The following MBOAT1 variants were observed in gnomAD, a reference collection of about 807,000 sequenced individuals.
MBOAT1 encodes the protein membrane-bound glycerophospholipid O-acyltransferase 1.
Under a neutral mutation model 64.4 loss-of-function variants are expected in MBOAT1, and 67 were observed. That is an observed-to-expected ratio of 1.04 (90% confidence interval 0.85 to 1.27). The LOEUF is 1.27. Among genes scored for constraint, MBOAT1 ranks in the 50% most tolerant of loss-of-function variants. The pLI, the probability that MBOAT1 is intolerant of heterozygous loss-of-function variation, is 0.00. For synonymous variants in MBOAT1, 229 were observed against 218.9 expected, an observed-to-expected ratio of 1.05 and a Z score of -0.41; for missense variants, 563 against 604.6, an observed-to-expected ratio of 0.93 and a Z score of 0.72.
chr6:20,190,132 C>T (rs1477050388), intron 1 of MBOAT1, among the ~76,000 whole-genome samples: 6 of 151,990 alleles, frequency 3.9e-5, no homozygotes, highest in African/African-American at 7.3e-5. Context: ...GTTGCTGGGA[C>T]TACAGGCACC....
chr6:20,154,049 G>T (rs1372668923), intron 1 of MBOAT1, among the ~76,000 whole-genome samples: 3 of 152,212 alleles, frequency 2.0e-5, no homozygotes, highest in African/African-American at 7.2e-5. Context: ...CACAACTTCA[G>T]CATCAGTATT....
rs1453615906 is a variant in MBOAT1, at chr6:20,206,102, C to T, written c.99+6034G>A. Among the ~76,000 whole-genome samples the T allele has an allele frequency of 4.6e-5, 7 of 152,334 alleles. No individual in the cohort carries two copies. The South Asian group carries it at 8.3e-4, about 18-fold the overall frequency. ...ACCCTCTGTTCTCATTTTACCATCA[C>T]GACAGCAAAGCCAAGGTCAGAAGCA... is the stretch of plus-strand genomic sequence containing the variant. On this transcript the variant is annotated intron_variant, in intron 1 of 12. Transcript: ENST00000324607.
At chr6:20,147,405 C>T (rs1405071398) in intron 3 of MBOAT1, among the ~76,000 whole-genome samples, 2 of 152,264 alleles carry the variant, frequency 1.3e-5, no homozygotes, top group Non-Finnish European at 1.5e-5. Flanking sequence ...TTTGGGAGGC[C>T]AAGGCGGGCG....
At chr6:20,171,478 G>A (rs371005478) in intron 1 of MBOAT1, among the ~76,000 whole-genome samples, 5 of 150,622 alleles carry the variant, frequency 3.3e-5, no homozygotes, top group African/African-American at 4.9e-5. Flanking sequence ...ACTTGAGCCC[G>A]GGAGGTCTAG....
intron 1 of MBOAT1, among the ~76,000 whole-genome samples, chr6:20,164,234 A>G (rs1285606423): frequency 2.6e-5 from 4 of 151,618 alleles, no homozygotes; most frequent in Admixed American, 2.6e-4. Flanking sequence ...GTAACCTGAA[A>G]TTTTTCCTGT....
At chr6:20,171,753 G>A (rs1022062247) in intron 1 of MBOAT1, among the ~76,000 whole-genome samples, 11 of 152,088 alleles carry the variant, frequency 7.2e-5, no homozygotes, top group African/African-American at 2.4e-4. Context: ...GAAAAAAGAA[G>A]CCAGGCGCAG....
intron 1 of MBOAT1, among the ~76,000 whole-genome samples, chr6:20,155,165 G>A (rs761854282): frequency 1.3e-5 from 2 of 152,144 alleles, no homozygotes; most frequent in Non-Finnish European, 2.9e-5. Context: ...GTAGTCCCCC[G>A]ACCAACAGCA....
chr6:20,122,408 G>A (rs1179059017), intron 8 of MBOAT1, among the ~76,000 whole-genome samples: 1 of 152,148 alleles, frequency 6.6e-6, no homozygotes, highest in African/African-American at 2.4e-5. Context: ...GTATGTCTGT[G>A]CTCCCAACCA....
intron 12 of MBOAT1, among the ~76,000 whole-genome samples, chr6:20,102,789 G>A (rs1384870036): frequency 6.6e-6 from 1 of 152,120 alleles, no homozygotes; most frequent in African/African-American, 2.4e-5. Context: ...GACACTTAAT[G>A]ACATTTCAGC....
chr6:20,202,639 T>A (rs1763156236), intron 1 of MBOAT1, among the ~76,000 whole-genome samples: 2 of 152,140 alleles, frequency 1.3e-5, no homozygotes. Context: ...AAAATCACAT[T>A]GCAAATAGGT....
rs1581387511 is a variant in MBOAT1 at position 20,100,121 on chromosome 6, G to A, written c.*2165C>T. 6.6e-6 allele frequency among the ~76,000 whole-genome samples: 1 copy of A among 152,194 alleles called. No homozygotes were observed. Among genetic ancestry groups the A allele is most frequent in the Non-Finnish European group, 1.5e-5 (1 of 68,040 alleles). On this transcript the variant is annotated 3_prime_UTR_variant, in exon 13 of 13. Transcript: ENST00000324607. ...GCTTGAGAGAGTCCTTGGCAAACCA[G>A]GGCAGCTGGTCACCAAAGCAGACAC... is the stretch of plus-strand genomic sequence containing the variant.
intron 1 of MBOAT1, among the ~76,000 whole-genome samples, chr6:20,203,132 T>C (rs1329752898): frequency 6.6e-6 from 1 of 152,182 alleles, no homozygotes; most frequent in Non-Finnish European, 1.5e-5. Context: ...AGTGAGACCC[T>C]GTCTCAATAA....
chr6:20,118,540 G>T lies in MBOAT1; in HGVS notation c.908C>A (p.Ala303Asp). ...KPKYYFAWTL[A>D]DAVNNAAGFG... ...GCCAGCTGCGTTATTCACTGCATCA[G>T]CTATGGTTTTTAAAGTAACACATTA... The change falls in exon 9 of 13, where the codon GCT (alanine) becomes GAT (aspartate). Residue 303 changes from alanine to aspartate, a missense_variant and splice_region_variant. Physicochemically the swap from Ala to Asp is moderately radical, Grantham distance 126. Transcript: ENST00000324607. 6.2e-7 allele frequency: 1 copy of T among 1,612,286 alleles called. No individual in the cohort carries two copies. Among genetic ancestry groups the T allele is most frequent in the Non-Finnish European group, 8.5e-7 (1 of 1,178,990 alleles).
intron 1 of MBOAT1, among the ~76,000 whole-genome samples, chr6:20,158,167 GA>G (rs70990012): frequency 0.84 from 113,283 of 135,534 alleles, 47,088 homozygotes; most frequent in East Asian, 0.98. Context: ...AAAAAAAAAA[GA>G]AAAAAAAAAA....
At chr6:20,118,390 A>T in intron 9 of MBOAT1, 47 bp downstream of exon 9, 1 of 1,458,092 alleles carries the variant, frequency 6.9e-7, no homozygotes, top group East Asian at 2.3e-5. Context: ...AAAGCAAATC[A>T]TTTGCTTTCT....
chr6:20,102,877 C>T (rs7773442), intron 12 of MBOAT1, among the ~76,000 whole-genome samples: 2,107 of 152,218 alleles, frequency 0.014, 51 homozygotes, highest in African/African-American at 0.046. Flanking sequence ...CTAGTGACGT[C>T]GTAGCCATCG....
chr6:20,131,167 G>T lies in MBOAT1; in HGVS notation c.452C>A (p.Thr151Asn), dbSNP rs368072391. 6.8e-6 allele frequency: 11 copies of T among 1,613,864 alleles called. No individual in the cohort carries two copies. Among genetic ancestry groups the T allele is most frequent in the Non-Finnish European group, 8.5e-6 (10 of 1,179,880 alleles). Reference protein sequence around the residue: ...PLMIVTQKITTLAFQVHDGLG... With the variant: ...PLMIVTQKITNLAFQVHDGLG... ...ACCATCATGAACCTGGAATGCCAAG[G>T]TTGTGATCTTCTGAGTGACAATCAT... The change falls in exon 5 of 13, where the codon ACC becomes AAC. Residue 151 changes from threonine (T) to asparagine (N), a missense_variant. Physicochemically the swap from Thr to Asn is moderately conservative, Grantham distance 65. Coordinates refer to ENST00000324607, the MANE Select transcript of MBOAT1 (RefSeq NM_001080480.3).
intron 1 of MBOAT1, among the ~76,000 whole-genome samples, chr6:20,201,969 GATAA>G (rs1448557335): frequency 3.3e-5 from 5 of 152,176 alleles, no homozygotes; most frequent in African/African-American, 4.8e-5. Flanking sequence ...GAATGTAATA[GATAA>G]ATAAAATAAA....
intron 1 of MBOAT1, among the ~76,000 whole-genome samples, chr6:20,195,455 C>T (rs956100472): frequency 6.6e-6 from 1 of 152,154 alleles, no homozygotes; most frequent in African/African-American, 2.4e-5. Flanking sequence ...TGTATATATT[C>T]TGGCCCAATC....
Sources: gnomAD v4.1 joint callset for allele counts (sites outside exome capture counted in the v4.1 genomes callset) on GRCh38, gnomAD v4.1.1 for gene constraint, MANE v1.5 for transcripts, NCBI Gene and HGNC (gene_info 2026-07-23, HGNC 2026-07-21) for gene names.